VPS13C: variants seen among roughly 807,000 people sequenced by gnomAD.
The protein encoded by VPS13C is intermembrane lipid transfer protein VPS13C.
Under a neutral mutation model 456.8 loss-of-function variants are expected in VPS13C, and 358 were observed. The ratio of observed to expected loss-of-function variants is 0.78; its 90% CI spans 0.72 to 0.86. The LOEUF (loss-of-function observed/expected upper bound fraction) is 0.86, where lower values mean the gene tolerates loss of function less well. VPS13C is among the 40% of genes least tolerant of loss of function. The probability of loss-of-function intolerance (pLI) is 0.00; values close to 1 mark genes in which losing one functional copy is unlikely to be tolerated. For synonymous variants in VPS13C, 1,578 were observed against 1,486.7 expected, an observed-to-expected ratio of 1.06 and a Z score of -1.41; for missense variants, 4,818 against 4,385.4, an observed-to-expected ratio of 1.10 and a Z score of -2.79.
intron 82 of VPS13C, among the ~76,000 whole-genome samples, chr15:61,860,290 C>A (rs191493207): frequency 1.3e-5 from 2 of 152,036 alleles, no homozygotes; most frequent in East Asian, 3.9e-4. Flanking sequence ...TATTTTCTAC[C>A]CATCAAGCTA....
chr15:62,026,980 A>T (rs550760687), intron 6 of VPS13C, among the ~76,000 whole-genome samples: 1 of 152,094 alleles, frequency 6.6e-6, no homozygotes, highest in East Asian at 1.9e-4. Flanking sequence ...AGCAATGTAA[A>T]TGTCAATAAA....
chr15:62,054,055 A>C (rs2048709984), intron 1 of VPS13C, among the ~76,000 whole-genome samples: 1 of 152,240 alleles, frequency 6.6e-6, no homozygotes, highest in African/African-American at 2.4e-5. Flanking sequence ...CATTTTGAAA[A>C]ATCAAATTGA....
At chr15:61,857,002 A>G (rs962007754) in intron 82 of VPS13C, among the ~76,000 whole-genome samples, 1 of 152,112 alleles carries the variant, frequency 6.6e-6, no homozygotes, top group Admixed American at 6.5e-5. Context: ...ATTTTACTCA[A>G]TGGCAATAAA....
intron 13 of VPS13C, among the ~76,000 whole-genome samples, chr15:62,009,172 C>T (rs1176308829): frequency 2.0e-5 from 3 of 152,122 alleles, no homozygotes; most frequent in East Asian, 1.9e-4. Context: ...TCCTCTGGAT[C>T]ATCATTTCAG....
At chr15:61,871,224 G>A (rs1388060751) in intron 79 of VPS13C, among the ~76,000 whole-genome samples, 3 of 152,034 alleles carry the variant, frequency 2.0e-5, no homozygotes. Flanking sequence ...GAGTTTAATG[G>A]TTTTGCTCTT....
chr15:61,937,320 T>A (rs536510970), intron 47 of VPS13C, among the ~76,000 whole-genome samples: 39 of 152,198 alleles, frequency 2.6e-4, no homozygotes, highest in African/African-American at 9.2e-4. Flanking sequence ...GAACAAAAAA[T>A]AGGAAGGTAG....
In VPS13C at chr15:61,950,392, T is replaced by C. The variant is rs2044746559; in HGVS notation, c.4562A>G (p.Lys1521Arg). ...TKADSDGPEFKTIHDSTKQRL... is the reference protein window; with the variant it reads ...TKADSDGPEFRTIHDSTKQRL... ...CTGTTTGGTACTGTCATGAATAGTT[T>C]TAAATTCTGGTCCATCACTGTCTGC... The change falls in exon 41 of 85, where the codon AAA becomes AGA. Residue 1521 changes from lysine (K) to arginine (R), a missense_variant. By Grantham distance (26) the Lys-to-Arg change is conservative. Transcript: ENST00000644861. 2 of 1,612,284 alleles carry C rather than the reference T, an allele frequency of 1.2e-6. No individual in the cohort carries two copies. Among genetic ancestry groups the C allele is most frequent in the African/African-American group, 1.3e-5 (1 of 74,868 alleles).
At chr15:62,002,846 T>A (rs1456434783) in intron 15 of VPS13C, among the ~76,000 whole-genome samples, 4 of 152,192 alleles carry the variant, frequency 2.6e-5, no homozygotes, top group Non-Finnish European at 5.9e-5. Context: ...GAGGCGTTAT[T>A]TCTGAGGGCT....
intron 15 of VPS13C, among the ~76,000 whole-genome samples, chr15:62,001,127 A>C (rs893096400): frequency 6.6e-6 from 1 of 152,234 alleles, no homozygotes; most frequent in Non-Finnish European, 1.5e-5. Flanking sequence ...ATCCAACATT[A>C]ACCAGGTGAC....
chr15:61,968,374 G>A (rs1340824033), intron 28 of VPS13C, among the ~76,000 whole-genome samples: 13 of 152,000 alleles, frequency 8.6e-5, no homozygotes, highest in Admixed American at 8.5e-4. Flanking sequence ...GGTATTAGAA[G>A]TAATCTAGAG....
At position 61,912,122 on chromosome 15, in the gene VPS13C, A is replaced by G. The variant is rs970390140; in HGVS notation, c.8551-118T>C. The stretch of plus-strand genomic sequence containing the variant: ...TTTTAAAATAATAATTCTTAAATAA[A>G]GCAACTATAAGTTACATTCTGCAAA... On this transcript the variant is annotated intron_variant, in intron 62 of 84. Transcript: ENST00000644861. 7.5e-6 allele frequency: 7 copies of G among 938,010 alleles called. No individual in the cohort carries two copies. The African/African-American group carries it at 1.0e-4, about 14-fold the overall frequency. The allele number at this position is 938,010 out of a possible 1,614,324, so 58.1% of individuals were successfully genotyped here.
rs778045113 is a variant in VPS13C at position 61,991,795 on chromosome 15, C to T, written c.1361G>A (p.Arg454Gln). ...CTTTTTCCTTAATTTTTGCCCAGACCGAATCACCTGAAAAATAAAAATTAA... is the reference window on the plus strand; with the variant it reads ...CTTTTTCCTTAATTTTTGCCCAGACTGAATCACCTGAAAAATAAAAATTAA... ...ARQQAQVEVI[R>Q]SGQKLRKKSA... The change falls in exon 17 of 85, where the codon CGG (arginine) becomes CAG (glutamine). Residue 454 changes from arginine to glutamine, a missense_variant. Arg to Gln is a conservative substitution (Grantham distance 43). Coordinates refer to ENST00000644861, the MANE Select transcript of VPS13C (RefSeq NM_020821.3). 3.1e-6 allele frequency: 5 copies of T among 1,608,534 alleles called. No homozygotes were observed. The highest frequency in any genetic ancestry group is 1.7e-5 in the Admixed American group (1 of 59,612).
In VPS13C at chr15:61,943,539, A is replaced by AT. The variant is rs548512549; in HGVS notation, c.5149-1473dup. On this transcript the variant is annotated intron_variant, in intron 45 of 84. Coordinates refer to ENST00000644861, the MANE Select transcript of VPS13C (RefSeq NM_020821.3). ...GGGGAAAGGATTCCCTATTCAGTAA[A>AT]TGGTGCTGAGATAGCTGGCTAGCCA... Among the ~76,000 whole-genome samples the AT allele has an allele frequency of 3.0e-4, 45 of 152,292 alleles. 1 individual carries two copies. In the South Asian group the frequency reaches 9.3e-3, roughly 32 times the overall value.
chr15:61,861,657 C>T (rs4775442), intron 82 of VPS13C, among the ~76,000 whole-genome samples: 81,367 of 151,832 alleles, frequency 0.54, 22,135 homozygotes, highest in Admixed American at 0.62. Flanking sequence ...CTGGCCAACA[C>T]AGTGAGAGAC....
At chr15:61,999,149 C>A (rs866346224) in intron 16 of VPS13C, among the ~76,000 whole-genome samples, 3 of 151,978 alleles carry the variant, frequency 2.0e-5, no homozygotes, top group African/African-American at 7.3e-5. Context: ...GAGGCCAAGG[C>A]GGGTGGATCA....
At chr15:61,953,630 G>A (rs914297919) in intron 38 of VPS13C, among the ~76,000 whole-genome samples, 1 of 151,880 alleles carries the variant, frequency 6.6e-6, no homozygotes, top group African/African-American at 2.4e-5. Flanking sequence ...TCTTAATCCA[G>A]TCTATCACTG....
chr15:61,912,593 C>T (rs964246580), intron 62 of VPS13C, among the ~76,000 whole-genome samples: 2 of 151,272 alleles, frequency 1.3e-5, no homozygotes, highest in African/African-American at 2.4e-5. Flanking sequence ...CAGCCCTCCA[C>T]ATTATCACTT....
chr15:61,935,264 A>G (rs921780801), intron 48 of VPS13C, among the ~76,000 whole-genome samples: 8 of 152,198 alleles, frequency 5.3e-5, no homozygotes, highest in African/African-American at 1.4e-4. Context: ...CTTGCTTTCA[A>G]TCACTCTTAC....
chr15:62,009,076 A>G (rs1797078860), intron 13 of VPS13C, among the ~76,000 whole-genome samples: 1 of 152,196 alleles, frequency 6.6e-6, no homozygotes, highest in Non-Finnish European at 1.5e-5. Flanking sequence ...TTAAAATGCA[A>G]ACTAAATGAA....
Sources: allele counts gnomAD v4.1 joint callset (sites outside exome capture counted in the v4.1 genomes callset), GRCh38; gene constraint gnomAD v4.1.1; transcripts MANE v1.5; gene names NCBI Gene and HGNC (gene_info 2026-07-23, HGNC 2026-07-21).